PREX1: variants seen among roughly 807,000 people sequenced by gnomAD.
The protein encoded by PREX1 is phosphatidylinositol 3,4,5-trisphosphate-dependent Rac exchanger 1 protein.
In PREX1, 41 loss-of-function variants were observed where a neutral mutation model predicts 198.3. The ratio of observed to expected loss-of-function variants is 0.21; its 90% confidence interval spans 0.16 to 0.27. The LOEUF is 0.27. PREX1 is among the 10% of genes least tolerant of loss of function. The pLI is 1.00. For missense variants in PREX1, 1,620 were observed against 2,200.7 expected (o/e 0.74, Z 5.28); for synonymous variants, 843 against 887.2 (o/e 0.95, Z 0.89).
chr20:48,862,769 C>A, the PREX1 span, among the ~76,000 whole-genome samples: 1 of 67,618 alleles, frequency 1.5e-5, no homozygotes, highest in African/African-American at 6.8e-5. Flanking sequence ...ACTTTAAAAG[C>A]TAAAAAAGCC....
intron 1 of PREX1, among the ~76,000 whole-genome samples, chr20:48,824,901 C>CA (rs1248437097): frequency 6.6e-6 from 1 of 152,140 alleles, no homozygotes; most frequent in Non-Finnish European, 1.5e-5. Flanking sequence ...ACCAAGGACA[C>CA]ACGGAGACCA....
At position 48,657,069 on chromosome 20, in the gene PREX1, C is replaced by T. The variant is rs1256286023; in HGVS notation, c.2094G>A (p.Leu698=). The change falls in exon 18 of 40, where the codon CTG becomes CTA. Residue 698 remains leucine, a synonymous_variant. Transcript: ENST00000371941. ...LNQSFCSRRP[L]RLLVATKAKE... ...TGGCCTTCGTGGCCACCAGGAGGCG[C>T]AGAGGGCGGCGGGAGCAGAAGGACT... is the stretch of plus-strand genomic sequence containing the variant. 6.2e-7 allele frequency: 1 copy of T among 1,603,962 alleles called. No homozygotes were observed. Among genetic ancestry groups the T allele is most frequent in the African/African-American group, 1.3e-5 (1 of 74,912 alleles).
At chr20:48,873,070 G>C in the PREX1 span, among the ~76,000 whole-genome samples, 305 of 152,276 alleles carry the variant, frequency 2.0e-3, 1 homozygote, top group African/African-American at 7.0e-3. Flanking sequence ...AGGAGATGCT[G>C]TTGGTCTCAT....
At chr20:48,628,113 G>A (rs2089287661) in intron 37 of PREX1, 150 bp from the exon 38 acceptor site, 15 of 619,490 alleles carry the variant, frequency 2.4e-5, no homozygotes, top group East Asian at 8.5e-5. Context: ...TCACGGCAAC[G>A]CCTCCTCCTG....
intron 1 of PREX1, among the ~76,000 whole-genome samples, chr20:48,764,840 A>G (rs1323108851): frequency 6.6e-6 from 1 of 151,670 alleles, no homozygotes; most frequent in Non-Finnish European, 1.5e-5. Context: ...AGTGAGTGCC[A>G]GGGGTCAGAG....
At chr20:48,680,801 GT>G in intron 11 of PREX1, among the ~76,000 whole-genome samples, 1 of 152,028 alleles carries the variant, frequency 6.6e-6, no homozygotes, top group South Asian at 2.1e-4. Flanking sequence ...CACCTATCAT[GT>G]TTTACTATCT....
intron 4 of PREX1, among the ~76,000 whole-genome samples, chr20:48,733,518 C>A (rs2090043656): frequency 6.6e-6 from 1 of 152,226 alleles, no homozygotes; most frequent in Non-Finnish European, 1.5e-5. Context: ...AAGTCTGGAG[C>A]TGCTGGAGGC....
chr20:48,742,971 G>C (rs1198356736), intron 3 of PREX1, among the ~76,000 whole-genome samples: 2 of 152,152 alleles, frequency 1.3e-5, no homozygotes, highest in Admixed American at 6.5e-5. Context: ...CTAAGTATAG[G>C]CAATCCTAAG....
At chr20:48,665,177 T>C (rs1383261240) in intron 15 of PREX1, among the ~76,000 whole-genome samples, 1 of 142,926 alleles carries the variant, frequency 7.0e-6, no homozygotes, top group Non-Finnish European at 1.5e-5. Context: ...ATTATAATCC[T>C]AACTCCAGAC....
At chr20:48,862,555 C>G in the PREX1 span, among the ~76,000 whole-genome samples, 2 of 152,044 alleles carry the variant, frequency 1.3e-5, no homozygotes, top group East Asian at 3.9e-4. Flanking sequence ...TCTCTCATCA[C>G]GTGACCTTGG....
At chr20:48,872,972 C>T in the PREX1 span, among the ~76,000 whole-genome samples, 8 of 152,176 alleles carry the variant, frequency 5.3e-5, no homozygotes, top group Admixed American at 4.6e-4. Context: ...TTTTTTTTCT[C>T]TTTTCAAAAT....
At chr20:48,853,513 C>T in the PREX1 span, among the ~76,000 whole-genome samples, 1 of 152,120 alleles carries the variant, frequency 6.6e-6, no homozygotes, top group Admixed American at 6.5e-5. Context: ...GGGGGAACCA[C>T]CCCCATGATT....
intron 1 of PREX1, among the ~76,000 whole-genome samples, chr20:48,756,792 A>C (rs932335248): frequency 3.3e-5 from 5 of 152,238 alleles, no homozygotes; most frequent in Admixed American, 6.5e-5. Context: ...CACACTGCTA[A>C]TAAAGATATA....
intron 4 of PREX1, among the ~76,000 whole-genome samples, chr20:48,731,719 G>A (rs1382660904): frequency 1.3e-5 from 2 of 152,240 alleles, no homozygotes. Context: ...CAAAAGCTGG[G>A]AGACGCCAGC....
chr20:48,625,794 G>T lies in PREX1; in HGVS notation c.*91C>A. The T allele has an allele frequency of 1.4e-6, 2 of 1,382,642 alleles. No individual in the cohort carries two copies. Among genetic ancestry groups the T allele is most frequent in the South Asian group, 1.4e-5 (1 of 71,498 alleles). The allele number at this position is 1,382,642 out of a possible 1,614,324, so 85.6% of individuals were successfully genotyped here. ...CGGAACGGGCGGCTGCGGAAGCCTT[G>T]GGCCATCCCTGGAGAAGGCCAGCGC... is the stretch of plus-strand genomic sequence containing the variant. On this transcript the variant is annotated 3_prime_UTR_variant, in exon 40 of 40. Transcript: ENST00000371941.
At chr20:48,776,265 C>A (rs2090261150) in intron 1 of PREX1, among the ~76,000 whole-genome samples, 1 of 152,174 alleles carries the variant, frequency 6.6e-6, no homozygotes, top group South Asian at 2.1e-4. Flanking sequence ...TCATCCTGGA[C>A]CACAACCTCA....
chr20:48,660,034 T>C lies in PREX1; in HGVS notation c.1766A>G (p.Glu589Gly). 6.2e-7 allele frequency: 1 copy of C among 1,614,216 alleles called. No homozygotes were observed. Among genetic ancestry groups the C allele is most frequent in the South Asian group, 1.1e-5 (1 of 91,090 alleles). Reference sequence around the variant, plus strand: ...AGCATGAAAGCGGAAGTACTGGGACTCATCCCTGAACTCGCTCTTCTCCAG... The same window carrying C: ...AGCATGAAAGCGGAAGTACTGGGACCCATCCCTGAACTCGCTCTTCTCCAG... ...HVLEKSEFRD[E>G]SQYFRFHADE... Residue 589 changes from glutamate to glycine, a missense_variant, in exon 16 of 40, where the codon GAG becomes GGG. By Grantham distance (98) the Glu-to-Gly change is moderately conservative (BLOSUM62 -2). This residue lies in a region of PREX1 where 488 missense variants were observed against 802.5 expected (regional missense o/e 0.61). Transcript: ENST00000371941.
At chr20:48,869,991 C>A in the PREX1 span, among the ~76,000 whole-genome samples, 1 of 152,126 alleles carries the variant, frequency 6.6e-6, no homozygotes, top group South Asian at 2.1e-4. Context: ...GCACATGTAT[C>A]CCAGAACTTA....
In PREX1 at chr20:48,649,420, C is replaced by T. The variant is rs374319615; in HGVS notation, c.3185G>A (p.Arg1062Gln). 3.1e-6 allele frequency: 5 copies of T among 1,614,028 alleles called. No individual in the cohort carries two copies. The highest frequency in any genetic ancestry group is 1.6e-4 in the Middle Eastern group (1 of 6,082). Residue 1062 changes from arginine (R) to glutamine (Q), a missense_variant, in exon 25 of 40, where the codon CGG (arginine) becomes CAG (glutamine). By Grantham distance (43) the Arg-to-Gln change is conservative. This residue lies in a region of PREX1 where 514 missense variants were observed against 611.6 expected (regional missense o/e 0.84). Coordinates refer to ENST00000371941, the MANE Select transcript of PREX1 (RefSeq NM_020820.4). ...PASGTLGQEDRGLSFLLKQED... is the reference protein window; with the variant it reads ...PASGTLGQEDQGLSFLLKQED... ...CTGCTTGAGTAGGAAGCTGAGGCCCCGGTCTTCCTGACCAAGGGTCCCACT... is the reference window on the plus strand; with the variant it reads ...CTGCTTGAGTAGGAAGCTGAGGCCCTGGTCTTCCTGACCAAGGGTCCCACT...
Sources: allele counts gnomAD v4.1 joint callset (sites outside exome capture counted in the v4.1 genomes callset), GRCh38; gene constraint gnomAD v4.1.1; regional missense constraint gnomAD v4.1.1; transcripts MANE v1.5; gene names NCBI Gene and HGNC (gene_info 2026-07-23, HGNC 2026-07-21).